The following SOS1 variants were observed in gnomAD, a reference collection of about 807,000 sequenced individuals.
The protein encoded by SOS1 is SOS Ras/Rac guanine nucleotide exchange factor 1, also known as son of sevenless homolog 1.
In SOS1, 25 loss-of-function variants were observed where a neutral mutation model predicts 157.6. The observed-to-expected ratio is 0.16, with a 90% CI of 0.12 to 0.22. SOS1 has a LOEUF of 0.22. Ranked by LOEUF, SOS1 falls within the 10% of genes least tolerant of loss-of-function variation. SOS1 has a pLI of 1.00. For missense variants in SOS1, 1,237 were observed against 1,599.1 expected (o/e 0.77, Z 3.86); for synonymous variants, 528 against 534.0 (o/e 0.99, Z 0.16).
chr2:39,038,848 G>A (rs1430191355), intron 6 of SOS1, among the ~76,000 whole-genome samples: 2 of 151,764 alleles, frequency 1.3e-5, no homozygotes, highest in African/African-American at 4.8e-5. Flanking sequence ...TTGATAAAAC[G>A]GTGGCAGAGT....
intron 6 of SOS1, among the ~76,000 whole-genome samples, chr2:39,037,930 T>A (rs1001948910): frequency 9.9e-5 from 15 of 152,008 alleles, no homozygotes; most frequent in Non-Finnish European, 2.9e-5. Context: ...AAAAAAAAAA[T>A]TTCTTTCAAA....
intron 2 of SOS1, among the ~76,000 whole-genome samples, chr2:39,060,309 A>G (rs773928559): frequency 2.0e-5 from 3 of 152,236 alleles, no homozygotes; most frequent in African/African-American, 4.8e-5. Context: ...TAAATTTTCA[A>G]CACATTTTTA....
chr2:39,063,031 T>G (rs1425125976), intron 2 of SOS1, among the ~76,000 whole-genome samples: 1 of 152,146 alleles, frequency 6.6e-6, no homozygotes, highest in East Asian at 1.9e-4. Context: ...GTTCTACATC[T>G]GTGGATTCAA....
rs1355644577 is a variant in SOS1 at position 39,067,658 on chromosome 2, T to G, written c.183A>C (p.Gln61His). 2 of 1,613,482 alleles carry G rather than the reference T, an allele frequency of 1.2e-6. No individual in the cohort carries two copies. Among genetic ancestry groups the G allele is most frequent in the Non-Finnish European group, 1.7e-6 (2 of 1,179,408 alleles). The change falls in exon 2 of 23, where the codon CAA (glutamine) becomes CAC (histidine). Residue 61 changes from glutamine (Q) to histidine (H), a missense_variant. Around this residue, in one of 15 missense-constraint regions of SOS1, gnomAD observed 99 missense variants for 81.6 expected, o/e 1.21. Transcript: ENST00000402219. ...CATCTGAAGCACTTCGGGGCTGAGCTTGGCATAGCATATTTAATAATTGCA... is the reference window on the plus strand; with the variant it reads ...CATCTGAAGCACTTCGGGGCTGAGCGTGGCATAGCATATTTAATAATTGCA... Reference protein sequence around the residue: ...LILQLLNMLCQAQPRSASDVE... With the variant: ...LILQLLNMLCHAQPRSASDVE...
At chr2:39,091,799 C>A (rs971630994) in intron 1 of SOS1, among the ~76,000 whole-genome samples, 1 of 152,126 alleles carries the variant, frequency 6.6e-6, no homozygotes, top group African/African-American at 2.4e-5. Context: ...TCTCATCTGA[C>A]CTCTTGGCAG....
intron 22 of SOS1, 46 bp from the exon 23 acceptor site, chr2:38,986,361 G>A: frequency 2.7e-6 from 4 of 1,508,548 alleles, no homozygotes; most frequent in Non-Finnish European, 3.6e-6. Flanking sequence ...ATAAATTTAT[G>A]AAGTATCATG....
At chr2:39,065,159 A>G (rs1184731244) in intron 2 of SOS1, among the ~76,000 whole-genome samples, 1 of 152,156 alleles carries the variant, frequency 6.6e-6, no homozygotes, top group East Asian at 1.9e-4. Context: ...GGCCCTTATT[A>G]TTTTAATAGA....
intron 8 of SOS1, among the ~76,000 whole-genome samples, chr2:39,030,587 G>A (rs1445525547): frequency 2.6e-5 from 4 of 152,046 alleles, no homozygotes; most frequent in Non-Finnish European, 5.9e-5. Flanking sequence ...AGGGATGGGG[G>A]TGTTAGGGGG....
At chr2:39,064,718 C>A (rs1232212251) in intron 2 of SOS1, among the ~76,000 whole-genome samples, 4 of 138,550 alleles carry the variant, frequency 2.9e-5, no homozygotes, top group African/African-American at 8.1e-5. Flanking sequence ...TCTGCTAATT[C>A]AGATTGATCT....
At chr2:39,085,096 A>G (rs1424719905) in intron 1 of SOS1, among the ~76,000 whole-genome samples, 1 of 151,932 alleles carries the variant, frequency 6.6e-6, no homozygotes, top group African/African-American at 2.4e-5. Context: ...ATGAGGTTGG[A>G]CTGCAGTGTC....
chr2:39,105,387 G>T (rs190319628), intron 1 of SOS1, among the ~76,000 whole-genome samples: 55 of 151,882 alleles, frequency 3.6e-4, no homozygotes, highest in African/African-American at 1.3e-3. Context: ...AAAGTGCTGG[G>T]ATTACAGCTG....
At chr2:39,049,042 C>T (rs981699160) in intron 6 of SOS1, among the ~76,000 whole-genome samples, 4 of 151,882 alleles carry the variant, frequency 2.6e-5, no homozygotes, top group South Asian at 2.1e-4. Context: ...CTCAGCGTCC[C>T]GAGTAGCTGG....
At chr2:39,091,830 A>C (rs1291146794) in intron 1 of SOS1, among the ~76,000 whole-genome samples, 4 of 151,988 alleles carry the variant, frequency 2.6e-5, no homozygotes, top group African/African-American at 9.7e-5. Flanking sequence ...GACCACTTCC[A>C]CTTTCTTGCC....
chr2:39,071,598 A>G (rs889863467), intron 1 of SOS1, among the ~76,000 whole-genome samples: 1 of 152,248 alleles, frequency 6.6e-6, no homozygotes, highest in Non-Finnish European at 1.5e-5. Context: ...TATTTCATCA[A>G]TAATTCGAAT....
intron 6 of SOS1, among the ~76,000 whole-genome samples, chr2:39,044,864 GCA>G (rs59580960): frequency 4.3e-4 from 63 of 147,758 alleles, no homozygotes; most frequent in Admixed American, 2.8e-3. Flanking sequence ...GCGCGCGCGC[GCA>G]CACACACACA....
At position 39,058,695 on chromosome 2, in the gene SOS1, T is replaced by C. The variant is rs886041923; in HGVS notation, c.323A>G (p.Glu108Gly). 1.2e-6 allele frequency: 2 copies of C among 1,612,998 alleles called. No individual in the cohort carries two copies. The highest frequency in any genetic ancestry group is 1.7e-6 in the Non-Finnish European group (2 of 1,179,220). The change falls in exon 3 of 23, where the codon GAA becomes GGA. Residue 108 changes from glutamate to glycine, a missense_variant. Around this residue, in one of 15 missense-constraint regions of SOS1, gnomAD observed 37 missense variants for 38.5 expected, o/e 0.96. Transcript: ENST00000402219. ...TACCTTTAATAAAGGATGAATTTTT[T>C]CTACTGGGAGAGATAAAGGGTTTCT... ...KRRNPLSLPV[E>G]KIHPLLKEVL... is the part of the protein sequence containing the mutation.
intron 1 of SOS1, among the ~76,000 whole-genome samples, chr2:39,085,731 T>C (rs1418641271): frequency 6.6e-6 from 1 of 152,184 alleles, no homozygotes; most frequent in Non-Finnish European, 1.5e-5. Flanking sequence ...ACGGTCAATG[T>C]CATCTGTGAA....
chr2:39,036,836 A>G (rs957987308), intron 6 of SOS1, among the ~76,000 whole-genome samples: 7 of 151,566 alleles, frequency 4.6e-5, no homozygotes, highest in Non-Finnish European at 1.0e-4. Context: ...CGGCCTCCCA[A>G]AGTGCTAGGA....
intron 1 of SOS1, among the ~76,000 whole-genome samples, chr2:39,097,027 T>A (rs1175271456): frequency 6.6e-6 from 1 of 152,156 alleles, no homozygotes; most frequent in Non-Finnish European, 1.5e-5. Flanking sequence ...ATTTAACCAA[T>A]CTCTATGAGG....
Sources: allele counts gnomAD v4.1 joint callset (sites outside exome capture counted in the v4.1 genomes callset), GRCh38; gene constraint gnomAD v4.1.1; regional missense constraint gnomAD v4.1.1; transcripts MANE v1.5; gene names NCBI Gene and HGNC (gene_info 2026-07-23, HGNC 2026-07-21).